Variants in SRGAP3 observed in about 807,000 individuals in gnomAD.
SRGAP3 encodes SLIT-ROBO Rho GTPase-activating protein 3.
A neutral mutation model predicts 121.1 loss-of-function variants in SRGAP3; 39 were observed. That is an observed-to-expected ratio of 0.32 (90% CI 0.25 to 0.42). The LOEUF is 0.42. Among genes scored for constraint, SRGAP3 ranks in the 10% least tolerant of loss-of-function variants. The pLI is 1.00. For missense variants in SRGAP3, 1,213 were observed against 1,470.6 expected (o/e 0.82, Z 2.86); for synonymous variants, 601 against 570.0 (o/e 1.05, Z -0.77).
At chr3:9,081,967 G>C (rs1432280961) in intron 3 of SRGAP3, among the ~76,000 whole-genome samples, 1 of 152,170 alleles carries the variant, frequency 6.6e-6, no homozygotes, top group Non-Finnish European at 1.5e-5. Context: ...TCAGGAATGG[G>C]ATTAGTGCCT....
rs901305001 is a variant in SRGAP3 at position 8,992,778 on chromosome 3, C to T, written c.2558+128G>A. The stretch of plus-strand genomic sequence containing the variant: ...TGCCAGCCAGCCCGCCCAGTGTGCC[C>T]ATTTCATTTTGTGGGGAACAAGGGG... On this transcript the variant is annotated intron_variant, in intron 20 of 21. Coordinates refer to ENST00000383836, the MANE Select transcript of SRGAP3 (RefSeq NM_014850.4). 1.2e-5 allele frequency: 18 copies of T among 1,550,238 alleles called. No individual in the cohort carries two copies. In the African/African-American group the frequency reaches 1.4e-4, roughly 12 times the overall value.
At chr3:9,207,145 T>C (rs976150496) in intron 1 of SRGAP3, among the ~76,000 whole-genome samples, 2 of 152,200 alleles carry the variant, frequency 1.3e-5, no homozygotes, top group African/African-American at 2.4e-5. Flanking sequence ...GGGCACTCCA[T>C]CCTTCTAACA....
intron 1 of SRGAP3, among the ~76,000 whole-genome samples, chr3:9,351,714 A>G (rs140426897): frequency 1.3e-5 from 2 of 152,316 alleles, no homozygotes; most frequent in East Asian, 1.9e-4. Context: ...TTGTGTTACA[A>G]TTGCCTACAG....
intron 1 of SRGAP3, among the ~76,000 whole-genome samples, chr3:9,209,905 T>C (rs925790090): frequency 6.6e-6 from 1 of 152,166 alleles, no homozygotes; most frequent in Admixed American, 6.5e-5. Flanking sequence ...GTCTACCAAC[T>C]GACAAATGTG....
intron 1 of SRGAP3, among the ~76,000 whole-genome samples, chr3:9,211,359 G>A (rs1302583414): frequency 6.6e-6 from 1 of 152,152 alleles, no homozygotes; most frequent in Non-Finnish European, 1.5e-5. Context: ...AAACCACCAA[G>A]TTCTGTCTTT....
chr3:9,007,626 T>C (rs564490963), intron 18 of SRGAP3: 1 of 152,316 alleles, frequency 6.6e-6, no homozygotes, highest in East Asian at 1.9e-4. Flanking sequence ...CAGAGTCCAT[T>C]GATGTTTCTT....
rs890881809 is a variant in SRGAP3, at chr3:9,047,286, G to A, written c.1408+105C>T. 52 of 1,175,478 alleles carry A rather than the reference G, an allele frequency of 4.4e-5. No individual in the cohort carries two copies. The African/African-American group carries it at 6.1e-4, about 14-fold the overall frequency. The allele number at this position is 1,175,478 out of a possible 1,614,324, so 72.8% of individuals were successfully genotyped here. On this transcript the variant is annotated intron_variant, in intron 10 of 21. Transcript: ENST00000383836. ...TGGTAAGTCCAGGTTCATTCTGCCAGGTGCCTGCTGTCTCAAGCCTGAACA... is the reference window on the plus strand; with the variant it reads ...TGGTAAGTCCAGGTTCATTCTGCCAAGTGCCTGCTGTCTCAAGCCTGAACA...
At chr3:9,210,149 A>T (rs1260148912) in intron 1 of SRGAP3, among the ~76,000 whole-genome samples, 1 of 152,240 alleles carries the variant, frequency 6.6e-6, no homozygotes, top group Non-Finnish European at 1.5e-5. Context: ...AGAGATAAGG[A>T]TGAGAACACG....
intron 3 of SRGAP3, among the ~76,000 whole-genome samples, chr3:9,316,385 G>A (rs952038586): frequency 1.9e-4 from 28 of 151,134 alleles, no homozygotes; most frequent in Non-Finnish European, 3.4e-4. Flanking sequence ...TAGGCCAGGC[G>A]CGGTGGCTCA....
chr3:9,098,845 G>A (rs1326465701), intron 3 of SRGAP3, among the ~76,000 whole-genome samples: 1 of 152,206 alleles, frequency 6.6e-6, no homozygotes. Context: ...TGAGTTGGGA[G>A]TGCCTGATGA....
chr3:9,093,588 C>T lies in SRGAP3; in HGVS notation c.423+11092G>A, dbSNP rs560252636. 3.3e-5 allele frequency among the ~76,000 whole-genome samples: 5 copies of T among 152,236 alleles called. No individual in the cohort carries two copies. The South Asian group carries it at 1.0e-3, about 32-fold the overall frequency. ...ATTCATCCATCCATCCATCCATCAA[C>T]CCACTCATCCATTCATCCATCTTTC... On this transcript the variant is annotated intron_variant, in intron 3 of 21. Transcript: ENST00000383836.
intron 15 of SRGAP3, chr3:9,014,196 C>T (rs1231941795): frequency 1.6e-5 from 6 of 369,436 alleles, no homozygotes; most frequent in Admixed American, 1.1e-4. Flanking sequence ...GGCATAGAGC[C>T]GGACGGGGCA....
intron 3 of SRGAP3, among the ~76,000 whole-genome samples, chr3:9,288,687 GTC>G (rs1249978439): frequency 1.3e-5 from 2 of 149,716 alleles, no homozygotes; most frequent in Non-Finnish European, 3.0e-5. Context: ...TAATCCTCCT[GTC>G]TCAGCCTCCC....
chr3:9,106,563 CAT>C (rs887648021), intron 2 of SRGAP3, among the ~76,000 whole-genome samples: 9 of 152,190 alleles, frequency 5.9e-5, no homozygotes, highest in Non-Finnish European at 7.3e-5. Context: ...AGAATTCCCA[CAT>C]GTTGTGGGAA....
intron 3 of SRGAP3, among the ~76,000 whole-genome samples, chr3:9,080,526 A>G (rs1947189947): frequency 6.6e-6 from 1 of 152,200 alleles, no homozygotes. Flanking sequence ...TGGCATCCCA[A>G]TTCCTCTTGA....
chr3:9,346,820 A>T (rs1360127284), intron 1 of SRGAP3, among the ~76,000 whole-genome samples: 1 of 148,952 alleles, frequency 6.7e-6, no homozygotes, highest in African/African-American at 2.5e-5. Flanking sequence ...CAATGGCGCG[A>T]TCCTGGCTCA....
chr3:9,173,490 G>A (rs750646280), intron 1 of SRGAP3, among the ~76,000 whole-genome samples: 3 of 152,248 alleles, frequency 2.0e-5, no homozygotes. Context: ...AGAAATAGCT[G>A]AGCAAAGAGG....
chr3:9,060,256 A>T lies in SRGAP3; in HGVS notation c.776T>A (p.Ile259Asn), dbSNP rs1376163575. The T allele has an allele frequency of 8.1e-6, 13 of 1,613,952 alleles. No homozygotes were observed. Among genetic ancestry groups the T allele is most frequent in the Non-Finnish European group, 1.1e-5 (13 of 1,180,012 alleles). ...ATNAAISKYYIHDVSDLIDCC... is the reference protein window; with the variant it reads ...ATNAAISKYYNHDVSDLIDCC... The stretch of plus-strand genomic sequence containing the variant: ...ATCGATCAGATCAGAGACATCATGG[A>T]TGTAGTATTTGCTTATAGCTGCGTT... The change falls in exon 6 of 22, where the codon ATC becomes AAC. Residue 259 changes from isoleucine (I) to asparagine (N), a missense_variant. By Grantham distance (149) the Ile-to-Asn change is moderately radical. Transcript: ENST00000383836.
intron 10 of SRGAP3, 22 bp from the exon 11 acceptor site, chr3:9,038,112 A>G: frequency 6.2e-7 from 1 of 1,614,148 alleles, no homozygotes; most frequent in Non-Finnish European, 8.5e-7. Flanking sequence ...AGTATACATG[A>G]ATGTTTAATT....
Sources: gnomAD v4.1 joint callset for allele counts (sites outside exome capture counted in the v4.1 genomes callset) on GRCh38, gnomAD v4.1.1 for gene constraint, MANE v1.5 for transcripts, NCBI Gene and HGNC (gene_info 2026-07-23, HGNC 2026-07-21) for gene names.